NSUN7: variants seen among roughly 807,000 people sequenced by gnomAD.
The protein encoded by NSUN7 is NOP2/Sun RNA methyltransferase family member 7.
A neutral mutation model predicts 58.5 loss-of-function variants in NSUN7; 39 were observed. The observed-to-expected ratio is 0.67, with a 90% CI of 0.52 to 0.87. The LOEUF (loss-of-function observed/expected upper bound fraction) is 0.87. Among genes scored for constraint, NSUN7 ranks in the 40% least tolerant of loss-of-function variants. The pLI is 0.00. For synonymous variants in NSUN7, 278 were observed against 303.7 expected (o/e 0.92, Z 0.88); for missense variants, 765 against 844.1 (o/e 0.91, Z 1.16).
chr4:40,751,657 C>G (rs951725251), intron 2 of NSUN7, among the ~76,000 whole-genome samples: 3 of 152,104 alleles, frequency 2.0e-5, no homozygotes, highest in African/African-American at 7.2e-5. Flanking sequence ...TAGAACTTCC[C>G]TTTCTAATTT....
intron 3 of NSUN7, 110 bp from the exon 4 acceptor site, chr4:40,761,061 A>C (rs996333900): frequency 1.2e-6 from 1 of 824,518 alleles, no homozygotes. Context: ...ATGTAAAAAT[A>C]GTCGTATTCC....
At position 40,801,941 on chromosome 4, in the gene NSUN7, C is replaced by T. The variant is rs535202684; in HGVS notation, c.1400+3037C>T. Among the ~76,000 whole-genome samples the T allele has an allele frequency of 3.3e-5, 5 of 150,330 alleles. No individual in the cohort carries two copies. In the South Asian group the frequency reaches 8.4e-4, roughly 25 times the overall value. On this transcript the variant is annotated intron_variant, in intron 10 of 11. Transcript: ENST00000381782. ...AAAAGAAAAGAAAAGAAAAAGTAAT[C>T]GCTTTACAGCAATTTCTGTGTAGAC...
At chr4:40,781,447 T>G (rs1028444831) in intron 7 of NSUN7, among the ~76,000 whole-genome samples, 7 of 152,178 alleles carry the variant, frequency 4.6e-5, no homozygotes, top group East Asian at 3.9e-4. Flanking sequence ...TTGTTTGTTT[T>G]TTTCTTTTTG....
rs1403749832 is a variant in NSUN7 at position 40,810,284 on chromosome 4, A to T, written c.*1345A>T. 1 of 152,120 alleles carries T rather than the reference A, an allele frequency of 6.6e-6. No homozygotes were observed. The highest frequency in any genetic ancestry group is 6.5e-5 in the Admixed American group (1 of 15,270). 9.4% of individuals were successfully genotyped at this position (152,120 alleles called of 1,614,324 possible). ...TTTACATTTATCAGTAAAACGTGTCAGTGGGCTGGGTGCAGTGGCTCACAT... is the reference window on the plus strand; with the variant it reads ...TTTACATTTATCAGTAAAACGTGTCTGTGGGCTGGGTGCAGTGGCTCACAT... On this transcript the variant is annotated 3_prime_UTR_variant, in exon 12 of 12. Coordinates refer to ENST00000381782, the MANE Select transcript of NSUN7 (RefSeq NM_024677.6).
intron 10 of NSUN7, among the ~76,000 whole-genome samples, chr4:40,799,616 T>G (rs1743491033): frequency 6.6e-6 from 1 of 152,090 alleles, no homozygotes; most frequent in African/African-American, 2.4e-5. Context: ...AAAGACAGAA[T>G]CCATAATTCT....
intron 9 of NSUN7, among the ~76,000 whole-genome samples, chr4:40,796,769 A>G (rs1234616471): frequency 6.6e-6 from 1 of 152,120 alleles, no homozygotes; most frequent in Non-Finnish European, 1.5e-5. Flanking sequence ...AACTCTCTTC[A>G]TATCCCTTTG....
Position 40,808,321 on chromosome 4 carries a change from G to T in NSUN7, c.1539G>T (p.Glu513Asp), listed in dbSNP as rs1743948043. 1 of 1,612,406 alleles carries T rather than the reference G, an allele frequency of 6.2e-7. No individual in the cohort carries two copies. The highest frequency in any genetic ancestry group is 1.3e-5 in the African/African-American group (1 of 74,754). ...TTTAATTGCAGCGGGACCCTTCTGA[G>T]ACAGTGTCTGTGAATGATGTTTTGG... The part of the protein sequence containing the change: ...SILTRERDPS[E>D]TVSVNDVLAR... Residue 513 changes from glutamate to aspartate, a missense_variant, in exon 12 of 12, where the codon GAG (glutamate) becomes GAT (aspartate). Glu to Asp is a conservative substitution (Grantham distance 45). Transcript: ENST00000381782.
intron 11 of NSUN7, among the ~76,000 whole-genome samples, chr4:40,808,059 G>T (rs1285497516): frequency 6.7e-6 from 1 of 148,266 alleles, no homozygotes; most frequent in Admixed American, 6.8e-5. Context: ...AAAAATCTGT[G>T]TGATTCTTTT....
chr4:40,751,005 G>C lies in NSUN7; in HGVS notation c.298+14G>C, dbSNP rs1740803255. 1.1e-5 allele frequency: 17 copies of C among 1,609,372 alleles called. No individual in the cohort carries two copies. The highest frequency in any genetic ancestry group is 1.4e-5 in the Non-Finnish European group (17 of 1,176,440). On this transcript the variant is annotated intron_variant, in intron 2 of 11. Coordinates refer to ENST00000381782, the MANE Select transcript of NSUN7 (RefSeq NM_024677.6). ...GTGCCCTGAAATGTGAGTTGTGCCA[G>C]TCTGGAAGATCAACACTAAAAGAAA...
rs1743501787 is a variant in NSUN7, at chr4:40,799,803, T to C, written c.1400+899T>C. Among the ~76,000 whole-genome samples, 4 of 152,206 alleles carry C rather than the reference T, an allele frequency of 2.6e-5. No individual in the cohort carries two copies. The South Asian group carries it at 8.3e-4, about 31-fold the overall frequency. ...GAGTTGAAAGCAATATTACATGTCATTTAATCTCATCACCTACCTGTTGCT... is the reference window on the plus strand; with the variant it reads ...GAGTTGAAAGCAATATTACATGTCACTTAATCTCATCACCTACCTGTTGCT... On this transcript the variant is annotated intron_variant, in intron 10 of 11. Coordinates refer to ENST00000381782, the MANE Select transcript of NSUN7 (RefSeq NM_024677.6).
At chr4:40,797,151 G>A (rs1321324692) in intron 9 of NSUN7, among the ~76,000 whole-genome samples, 1 of 152,034 alleles carries the variant, frequency 6.6e-6, no homozygotes, top group East Asian at 1.9e-4. Context: ...CTTCTCTCTG[G>A]CCTCCCCTTC....
rs1373923589 is a variant in NSUN7, at chr4:40,810,294, G to C, written c.*1355G>C. The C allele has an allele frequency of 6.6e-6, 1 of 152,070 alleles. No homozygotes were observed. Among genetic ancestry groups the C allele is most frequent in the Non-Finnish European group, 1.5e-5 (1 of 68,008 alleles). 9.4% of individuals were successfully genotyped at this position (152,070 alleles called of 1,614,324 possible). ...TCAGTAAAACGTGTCAGTGGGCTGGGTGCAGTGGCTCACATCTGTAATCTC... is the reference window on the plus strand; with the variant it reads ...TCAGTAAAACGTGTCAGTGGGCTGGCTGCAGTGGCTCACATCTGTAATCTC... On this transcript the variant is annotated 3_prime_UTR_variant, in exon 12 of 12. Transcript: ENST00000381782.
At chr4:40,793,712 A>G (rs1225837955) in intron 8 of NSUN7, among the ~76,000 whole-genome samples, 1 of 152,186 alleles carries the variant, frequency 6.6e-6, no homozygotes, top group Non-Finnish European at 1.5e-5. Context: ...ATAACCTTAG[A>G]CAAGTTGTTT....
intron 4 of NSUN7, among the ~76,000 whole-genome samples, chr4:40,769,947 C>T (rs550019857): frequency 4.6e-5 from 7 of 151,862 alleles, no homozygotes; most frequent in African/African-American, 7.3e-5. Context: ...TGGTGGCTCA[C>T]GCCTGTAATC....
intron 4 of NSUN7, among the ~76,000 whole-genome samples, chr4:40,770,385 T>A (rs1741941914): frequency 6.6e-6 from 1 of 152,156 alleles, no homozygotes. Context: ...AACCTAGTGC[T>A]CCTAGGCTAC....
chr4:40,774,376 C>T lies in NSUN7; in HGVS notation c.600C>T (p.Ser200=). 1 of 1,613,954 alleles carries T rather than the reference C, an allele frequency of 6.2e-7. No homozygotes were observed. Among genetic ancestry groups the T allele is most frequent in the East Asian group, 2.2e-5 (1 of 44,856 alleles). ...ETVRKQELRA[S]TLPLYAWINT... ...TTAGGAAACAGGAACTAAGGGCCTC[C>T]ACTTTACCACTTTATGCTTGGATAA... is the stretch of plus-strand genomic sequence containing the variant. The change falls in exon 5 of 12, where the codon TCC becomes TCT. Residue 200 remains serine (S), a synonymous_variant. Transcript: ENST00000381782.
chr4:40,779,910 A>G (rs543744127), intron 7 of NSUN7, among the ~76,000 whole-genome samples: 85 of 151,966 alleles, frequency 5.6e-4, no homozygotes, highest in Middle Eastern at 3.4e-3. Context: ...TGAGTAACAC[A>G]TAATAAAATA....
intron 10 of NSUN7, among the ~76,000 whole-genome samples, chr4:40,805,955 C>A (rs1743794164): frequency 6.6e-6 from 1 of 152,134 alleles, no homozygotes; most frequent in Admixed American, 6.5e-5. Flanking sequence ...GATTCTCCTG[C>A]CTCAGACTCC....
intron 10 of NSUN7, among the ~76,000 whole-genome samples, chr4:40,800,258 G>T (rs1743524436): frequency 1.3e-5 from 2 of 152,090 alleles, no homozygotes; most frequent in African/African-American, 4.8e-5. Flanking sequence ...CCTGTTTACT[G>T]ACTGGTCAGT....
Sources: gnomAD v4.1 joint callset for allele counts (sites outside exome capture counted in the v4.1 genomes callset) on GRCh38, gnomAD v4.1.1 for gene constraint, MANE v1.5 for transcripts, NCBI Gene and HGNC (gene_info 2026-07-23, HGNC 2026-07-21) for gene names.